CDH10: variants seen among roughly 807,000 people sequenced by gnomAD.
CDH10 encodes cadherin 10.
CDH10 carries 30 observed loss-of-function variants against 73.1 expected under a neutral mutation model. The observed-to-expected ratio is 0.41, with a 90% CI of 0.31 to 0.56. The LOEUF (loss-of-function observed/expected upper bound fraction) is 0.56. Ranked by LOEUF, CDH10 falls within the 20% of genes least tolerant of loss-of-function variation. The pLI is 0.27. For missense variants in CDH10, 815 were observed against 973.7 expected, an observed-to-expected ratio of 0.84 and a Z score of 2.17; for synonymous variants, 345 against 348.2, an observed-to-expected ratio of 0.99 and a Z score of 0.10.
In CDH10 at chr5:24,511,993, G is replaced by A. The variant is rs192436381; in HGVS notation, c.815-479C>T. Among the ~76,000 whole-genome samples the A allele has an allele frequency of 5.3e-3, 799 of 152,138 alleles. 7 individuals are homozygous for A. Among genetic ancestry groups the A allele is most frequent in the Non-Finnish European group, 5.4e-3 (368 of 67,996 alleles). ...CACTGGGGCCTACTTGAGGCTGGAG[G>A]GTGGGAGGAGGGAGAGGATCAGAAA... is the stretch of plus-strand genomic sequence containing the variant. On this transcript the variant is annotated intron_variant, in intron 5 of 11. Coordinates refer to ENST00000264463, the MANE Select transcript of CDH10 (RefSeq NM_006727.5).
intron 2 of CDH10, among the ~76,000 whole-genome samples, chr5:24,559,510 T>A (rs1207932626): frequency 6.6e-6 from 1 of 152,068 alleles, no homozygotes; most frequent in Non-Finnish European, 1.5e-5. Flanking sequence ...TGATTCACAC[T>A]GCAGTACTTT....
At chr5:24,639,630 T>C (rs1747979030) in intron 1 of CDH10, among the ~76,000 whole-genome samples, 1 of 151,810 alleles carries the variant, frequency 6.6e-6, no homozygotes, top group South Asian at 2.1e-4. Flanking sequence ...GCAATGGTAG[T>C]TCTTTACAAC....
chr5:24,642,382 G>A (rs963670237), intron 1 of CDH10, among the ~76,000 whole-genome samples: 2 of 151,884 alleles, frequency 1.3e-5, no homozygotes, highest in African/African-American at 4.8e-5. Flanking sequence ...ATTAAGTAAA[G>A]GTCAAGAAAT....
At chr5:24,600,914 A>C (rs146383328) in intron 1 of CDH10, among the ~76,000 whole-genome samples, 2 of 152,098 alleles carry the variant, frequency 1.3e-5, no homozygotes, top group Non-Finnish European at 2.9e-5. Context: ...CTTTAGCCAC[A>C]ATTTTTTCTA....
intron 2 of CDH10, among the ~76,000 whole-genome samples, chr5:24,592,002 C>T (rs1014791197): frequency 4.0e-5 from 6 of 151,866 alleles, no homozygotes; most frequent in African/African-American, 1.4e-4. Context: ...CCTTCACTCT[C>T]TATTCCCAGG....
At position 24,553,205 on chromosome 5, in the gene CDH10, C is replaced by T. The variant is rs563206672; in HGVS notation, c.232-15531G>A. Among the ~76,000 whole-genome samples, 23 of 142,662 alleles carry T rather than the reference C, an allele frequency of 1.6e-4. No individual in the cohort carries two copies. In the East Asian group the frequency reaches 1.7e-3, roughly 11 times the overall value. The allele number at this position is 142,662 out of a possible 152,430, so 93.6% of individuals were successfully genotyped here. On this transcript the variant is annotated intron_variant, in intron 2 of 11. Coordinates refer to ENST00000264463, the MANE Select transcript of CDH10 (RefSeq NM_006727.5). ...ATCTCTGATCTTTGTATAAGAGCCA[C>T]GGATTTATTTCTTTCAGAAGCTTGT...
At chr5:24,573,243 AAGAC>A (rs1745464196) in intron 2 of CDH10, among the ~76,000 whole-genome samples, 2 of 152,030 alleles carry the variant, frequency 1.3e-5, no homozygotes, top group African/African-American at 4.8e-5. Context: ...AACAGTTAAA[AAGAC>A]AGTAGAAATT....
intron 1 of CDH10, among the ~76,000 whole-genome samples, chr5:24,614,866 A>AT (rs1240532783): frequency 6.6e-6 from 1 of 152,268 alleles, no homozygotes; most frequent in Admixed American, 6.5e-5. Context: ...GGCAGGACTT[A>AT]TTTTTTGTGT....
intron 2 of CDH10, among the ~76,000 whole-genome samples, chr5:24,540,368 T>C (rs1327586379): frequency 3.3e-5 from 5 of 151,980 alleles, no homozygotes; most frequent in Non-Finnish European, 7.4e-5. Flanking sequence ...CAGTTAGACA[T>C]GCAAAAAAGC....
intron 9 of CDH10, among the ~76,000 whole-genome samples, chr5:24,496,456 G>T (rs908662953): frequency 6.6e-6 from 1 of 152,116 alleles, no homozygotes; most frequent in Admixed American, 6.5e-5. Flanking sequence ...TCAGGCACAC[G>T]AGGGGACTAC....
At chr5:24,524,775 C>T (rs1743465638) in intron 5 of CDH10, among the ~76,000 whole-genome samples, 1 of 152,032 alleles carries the variant, frequency 6.6e-6, no homozygotes, top group Non-Finnish European at 1.5e-5. Flanking sequence ...AAGGTAACAT[C>T]GCAAAGAAAG....
At chr5:24,569,970 T>C (rs1354740829) in intron 2 of CDH10, among the ~76,000 whole-genome samples, 3 of 152,116 alleles carry the variant, frequency 2.0e-5, no homozygotes, top group African/African-American at 7.2e-5. Context: ...TTCACCATAT[T>C]GGACGGGCTG....
At chr5:24,524,459 C>G (rs1743451664) in intron 5 of CDH10, among the ~76,000 whole-genome samples, 1 of 151,100 alleles carries the variant, frequency 6.6e-6, no homozygotes, top group Admixed American at 6.6e-5. Flanking sequence ...GCTTAAGTTT[C>G]ATTTCTCCTT....
At position 24,509,692 on chromosome 5, in the gene CDH10, T is replaced by A; in HGVS notation, c.1130A>T (p.Asp377Val). The A allele has an allele frequency of 6.2e-7, 1 of 1,613,758 alleles. No individual in the cohort carries two copies. Among genetic ancestry groups the A allele is most frequent in the Non-Finnish European group, 8.5e-7 (1 of 1,179,642 alleles). The change falls in exon 7 of 12, where the codon GAT (aspartate) becomes GTT (valine). Residue 377 changes from aspartate (D) to valine (V), a missense_variant. Physicochemically the swap from Asp to Val is radical, Grantham distance 152 (BLOSUM62 -3). Coordinates refer to ENST00000264463, the MANE Select transcript of CDH10 (RefSeq NM_006727.5). Reference protein sequence around the residue: ...DTTIVKISIEDVDEPPVFSRS... With the variant: ...DTTIVKISIEVVDEPPVFSRS... ...ACTAAAAACAGGAGGTTCATCCACA[T>A]CTTCTATAGAGATTTTCACTATGGT...
intron 5 of CDH10, among the ~76,000 whole-genome samples, chr5:24,525,469 T>C (rs1328635858): frequency 1.3e-5 from 2 of 152,138 alleles, no homozygotes; most frequent in African/African-American, 4.8e-5. Context: ...AATGTCATAA[T>C]TATGCACGTT....
intron 1 of CDH10, among the ~76,000 whole-genome samples, chr5:24,622,392 A>G (rs1579480094): frequency 6.6e-6 from 1 of 152,172 alleles, no homozygotes; most frequent in African/African-American, 2.4e-5. Context: ...AAGAAGGGAC[A>G]TTTTCCTGGC....
chr5:24,558,832 T>C (rs564587128), intron 2 of CDH10, among the ~76,000 whole-genome samples: 5 of 152,010 alleles, frequency 3.3e-5, no homozygotes, highest in Admixed American at 2.0e-4. Context: ...AGTCTTAGTT[T>C]TTGCTTTGCT....
chr5:24,639,456 T>C (rs1259175485), intron 1 of CDH10, among the ~76,000 whole-genome samples: 1 of 151,768 alleles, frequency 6.6e-6, no homozygotes, highest in African/African-American at 2.4e-5. Context: ...CTTTAATTCT[T>C]GTATTTATAC....
intron 1 of CDH10, among the ~76,000 whole-genome samples, chr5:24,622,587 C>CATG (rs755919272): frequency 2.0e-5 from 3 of 152,144 alleles, no homozygotes; most frequent in Non-Finnish European, 4.4e-5. Context: ...CAGTGATAAT[C>CATG]ATGAGGCAGT....
Sources: gnomAD v4.1 joint callset for allele counts (sites outside exome capture counted in the v4.1 genomes callset) on GRCh38, gnomAD v4.1.1 for gene constraint, MANE v1.5 for transcripts, NCBI Gene and HGNC (gene_info 2026-07-23, HGNC 2026-07-21) for gene names.